LYST: variants seen among roughly 807,000 people sequenced by gnomAD.
The protein encoded by LYST is lysosomal trafficking regulator.
LYST carries 192 observed loss-of-function variants against 413.6 expected under a neutral mutation model. The observed-to-expected ratio is 0.46, with a 90% CI of 0.41 to 0.52. LYST has a LOEUF of 0.52. LYST is among the 20% of genes least tolerant of loss of function. LYST has a pLI of 0.00. For synonymous variants in LYST, 1,525 were observed against 1,567.3 expected, an observed-to-expected ratio of 0.97 and a Z score of 0.64; for missense variants, 3,815 against 4,499.9, an observed-to-expected ratio of 0.85 and a Z score of 4.35.
At chr1:235,787,881 T>C (rs12086079) in intron 13 of LYST, among the ~76,000 whole-genome samples, 5,426 of 152,192 alleles carry the variant, frequency 0.036, 313 homozygotes, top group African/African-American at 0.12. Context: ...TTTAGACAAA[T>C]AGTATCATAC....
chr1:235,673,680 A>G (rs1659153653), intron 50 of LYST, among the ~76,000 whole-genome samples: 1 of 152,198 alleles, frequency 6.6e-6, no homozygotes, highest in Non-Finnish European at 1.5e-5. Flanking sequence ...AAATGCCGTT[A>G]GAAAGGACTC....
chr1:235,663,275 A>G (rs529260333), intron 52 of LYST, among the ~76,000 whole-genome samples, 197 bp from the exon 53 acceptor site: 1 of 152,364 alleles, frequency 6.6e-6, no homozygotes, highest in East Asian at 1.9e-4. Context: ...TGAGATGCTC[A>G]TAAATGCGGT....
intron 40 of LYST, among the ~76,000 whole-genome samples, chr1:235,719,219 T>C (rs925758581): frequency 6.6e-6 from 1 of 152,142 alleles, no homozygotes; most frequent in Non-Finnish European, 1.5e-5. Flanking sequence ...GGTTTCACCA[T>C]GTTGGCCAGG....
At chr1:235,780,194 C>G (rs1470493686) in intron 16 of LYST, among the ~76,000 whole-genome samples, 2 of 151,884 alleles carry the variant, frequency 1.3e-5, no homozygotes, top group Non-Finnish European at 2.9e-5. Flanking sequence ...TCGCTTGAGG[C>G]CAGGAGTTTG....
rs2103142300 is a variant in LYST at position 235,716,765 on chromosome 1, GT to G, written c.9573del (p.Lys3191AsnfsTer3). On this transcript the variant is annotated frameshift_variant, in exon 41 of 53. Transcript: ENST00000389793. LOFTEE classifies it high-confidence loss of function. The part of the protein sequence containing the change: ...NDLLIYRNLS[K>X]PIAVQYKEKE... ...TTTTCTTTATACTGAACAGCTATAGGTTTAGAGAGATTTCTGCAAGAAAAGG... is the reference window on the plus strand; with the variant it reads ...TTTTCTTTATACTGAACAGCTATAGGTTAGAGAGATTTCTGCAAGAAAAGG... 6.3e-7 allele frequency: 1 copy of G among 1,583,128 alleles called. No homozygotes were observed. The highest frequency in any genetic ancestry group is 8.7e-7 in the Non-Finnish European group (1 of 1,152,350).
intron 1 of LYST, among the ~76,000 whole-genome samples, chr1:235,847,303 A>G (rs943019278): frequency 2.6e-5 from 4 of 152,206 alleles, no homozygotes; most frequent in African/African-American, 9.7e-5. Context: ...GGAAAGATAC[A>G]GTCTTTTTCA....
chr1:235,693,592 T>A, intron 46 of LYST, 106 bp from the exon 47 acceptor site: 2 of 1,246,334 alleles, frequency 1.6e-6, no homozygotes, highest in African/African-American at 1.5e-5. Context: ...GCAGAACATA[T>A]CATTTGGTGC....
intron 1 of LYST, among the ~76,000 whole-genome samples, chr1:235,856,469 T>A (rs1288147029): frequency 6.6e-6 from 1 of 152,200 alleles, no homozygotes; most frequent in Non-Finnish European, 1.5e-5. Context: ...AACTAGATGA[T>A]CTCTAAATGC....
intron 2 of LYST, among the ~76,000 whole-genome samples, chr1:235,832,202 G>T (rs992213383): frequency 2.0e-5 from 3 of 152,206 alleles, no homozygotes; most frequent in African/African-American, 7.2e-5. Flanking sequence ...ATGCACAGAA[G>T]TCTGCTGAAG....
In LYST at chr1:235,832,076, G is replaced by A. The variant is rs149374093; in HGVS notation, c.-8+1502C>T. ...GGGATTTTCCTTCAAAGCTACTAAC[G>A]TCATTCTATAAATTTATATGCTGGT... On this transcript the variant is annotated intron_variant, in intron 2 of 52. Coordinates refer to ENST00000389793, the MANE Select transcript of LYST (RefSeq NM_000081.4). Among the ~76,000 whole-genome samples, 652 of 152,168 alleles carry A rather than the reference G, an allele frequency of 4.3e-3. 6 individuals carry two copies. Among genetic ancestry groups the A allele is most frequent in the African/African-American group, 0.015 (622 of 41,498 alleles).
At chr1:235,768,237 G>A (rs1031316069) in intron 20 of LYST, among the ~76,000 whole-genome samples, 3 of 151,708 alleles carry the variant, frequency 2.0e-5, no homozygotes, top group Non-Finnish European at 2.9e-5. Context: ...CTGGTCTCCC[G>A]GCTTGAAATT....
chr1:235,800,841 T>C (rs1453681288), intron 9 of LYST, 30 bp downstream of exon 9: 1 of 1,419,720 alleles, frequency 7.0e-7, no homozygotes, highest in Non-Finnish European at 9.9e-7. Context: ...TGATAAATAT[T>C]GATCACATTT....
chr1:235,815,928 C>A (rs1484546438), intron 3 of LYST, among the ~76,000 whole-genome samples: 1 of 150,076 alleles, frequency 6.7e-6, no homozygotes, highest in African/African-American at 2.5e-5. Context: ...GTCAAGAGAT[C>A]GAGACCATCC....
At chr1:235,846,064 C>A (rs1023375347) in intron 1 of LYST, among the ~76,000 whole-genome samples, 3 of 152,138 alleles carry the variant, frequency 2.0e-5, no homozygotes, top group African/African-American at 7.2e-5. Flanking sequence ...ACATGGCCAA[C>A]CAGTACAAAA....
In LYST at chr1:235,854,079, C is replaced by T. The variant is rs138680583; in HGVS notation, c.-98+12764G>A. Among the ~76,000 whole-genome samples the T allele has an allele frequency of 9.7e-4, 147 of 152,300 alleles. No individual in the cohort carries two copies. The highest frequency in any genetic ancestry group is 3.4e-3 in the African/African-American group (143 of 41,542). On this transcript the variant is annotated intron_variant, in intron 1 of 52. Transcript: ENST00000389793. The surrounding 1 kb of genome is among the most constrained non-coding windows in gnomAD (Gnocchi z 4.1). ...GCTAGATGTTTTACACTGACTACTA[C>T]ATCCCTCCTCAAAAGAGACCTTTGG...
intron 47 of LYST, among the ~76,000 whole-genome samples, chr1:235,688,825 A>T (rs992554616): frequency 6.6e-6 from 1 of 151,932 alleles, no homozygotes; most frequent in African/African-American, 2.4e-5. Context: ...TCTACTAAAC[A>T]TACAAAAAAA....
intron 25 of LYST, 59 bp downstream of exon 25, chr1:235,755,418 GA>G (rs1357649547): frequency 1.5e-4 from 207 of 1,408,910 alleles, no homozygotes; most frequent in Non-Finnish European, 1.8e-4. Context: ...GAAAAGAAAA[GA>G]AAAGAAAAGA....
rs374166269 is a variant in LYST at position 235,745,270 on chromosome 1, T to C, written c.7972+1066A>G. Among the ~76,000 whole-genome samples the C allele has an allele frequency of 2.0e-5, 3 of 152,330 alleles. No individual in the cohort carries two copies. The South Asian group carries it at 6.2e-4, about 32-fold the overall frequency. ...TTATAGTGCTTTGGAGTGTATTTCT[T>C]TGAATAGCTTTTTTTAGTGGGTGCT... On this transcript the variant is annotated intron_variant, in intron 29 of 52. Coordinates refer to ENST00000389793, the MANE Select transcript of LYST (RefSeq NM_000081.4).
Position 235,697,225 on chromosome 1 carries a change from A to G in LYST, c.10422T>C (p.Gly3474=). 6.2e-7 allele frequency: 1 copy of G among 1,614,166 alleles called. No individual in the cohort carries two copies. The highest frequency in any genetic ancestry group is 8.5e-7 in the Non-Finnish European group (1 of 1,179,998). The change falls in exon 46 of 53, where the codon GGT becomes GGC. Residue 3474 remains glycine (G), a synonymous_variant. Transcript: ENST00000389793. Reference sequence around the variant, plus strand: ...CCACAGGTACTGGAGCACTGGGGGAACCCACGTATTCCCCCCATTTCAAGC... The same window carrying G: ...CCACAGGTACTGGAGCACTGGGGGAGCCCACGTATTCCCCCCATTTCAAGC... ...IKGLKWGEYV[G]SPSAPVPVVC... is the part of the protein sequence containing the mutation.
Sources: gnomAD v4.1 joint callset for allele counts (sites outside exome capture counted in the v4.1 genomes callset) on GRCh38, gnomAD v4.1.1 for gene constraint, Gnocchi (gnomAD v3.1) non-coding constraint, MANE v1.5 for transcripts, NCBI Gene and HGNC (gene_info 2026-07-23, HGNC 2026-07-21) for gene names.